The following INPP5A variants were observed in gnomAD, a reference collection of about 807,000 sequenced individuals.
The protein encoded by INPP5A is inositol polyphosphate-5-phosphatase A.
Under a neutral mutation model 65.2 loss-of-function variants are expected in INPP5A, and 14 were observed. The observed-to-expected ratio is 0.21, with a 90% CI of 0.14 to 0.34. INPP5A has a LOEUF of 0.34. INPP5A is among the 10% of genes least tolerant of loss of function. The pLI is 1.00. For missense variants in INPP5A, 431 were observed against 545.6 expected, an observed-to-expected ratio of 0.79 and a Z score of 2.09; for synonymous variants, 207 against 208.3, an observed-to-expected ratio of 0.99 and a Z score of 0.05.
chr10:132,582,461 C>T (rs1195134726), intron 1 of INPP5A, among the ~76,000 whole-genome samples: 1 of 150,278 alleles, frequency 6.7e-6, no homozygotes, highest in Non-Finnish European at 1.5e-5. Context: ...TGCTCTGTCA[C>T]CCAGGCTGAA....
rs1377328323 is a variant in INPP5A, at chr10:132,783,349, C to G, written c.*1320C>G. On this transcript the variant is annotated 3_prime_UTR_variant, in exon 16 of 16. Transcript: ENST00000368594. ...TTGGTGGAAGCACAGGTCCGTGTCGCTGCTGTGGTTGCCGCTGTCCGCGGT... is the reference window on the plus strand; with the variant it reads ...TTGGTGGAAGCACAGGTCCGTGTCGGTGCTGTGGTTGCCGCTGTCCGCGGT... 6.6e-6 allele frequency: 1 copy of G among 152,434 alleles called. No individual in the cohort carries two copies. Among genetic ancestry groups the G allele is most frequent in the African/African-American group, 2.4e-5 (1 of 41,456 alleles). 9.4% of individuals were successfully genotyped at this position (152,434 alleles called of 1,614,324 possible). A position where few individuals can be genotyped will look rare whatever the true frequency, so the allele number is the denominator to read the frequency against.
At chr10:132,625,956 T>C (rs531606795) in intron 2 of INPP5A, among the ~76,000 whole-genome samples, 8 of 152,182 alleles carry the variant, frequency 5.3e-5, no homozygotes, top group Non-Finnish European at 7.3e-5. Context: ...TGGTGCATGT[T>C]TCTTCGATTT....
At chr10:132,586,158 C>T (rs12248200) in intron 1 of INPP5A, among the ~76,000 whole-genome samples, 2,704 of 152,250 alleles carry the variant, frequency 0.018, 85 homozygotes, top group African/African-American at 0.062. Flanking sequence ...CTGGACGCGC[C>T]CTGTGCTTCT....
intron 8 of INPP5A, among the ~76,000 whole-genome samples, chr10:132,718,450 ACGGC>A (rs1845787601): frequency 6.9e-6 from 1 of 145,420 alleles, no homozygotes; most frequent in African/African-American, 2.6e-5. Flanking sequence ...GGCGCCTTAG[ACGGC>A]TGTCTTCAGG....
rs1385987382 is a variant in INPP5A, at chr10:132,753,400, G to A, written c.903+3555G>A. 2.0e-5 allele frequency among the ~76,000 whole-genome samples: 3 copies of A among 152,156 alleles called. No homozygotes were observed. The highest frequency in any genetic ancestry group is 4.4e-5 in the Non-Finnish European group (3 of 68,042). On this transcript the variant is annotated intron_variant, in intron 11 of 15. Coordinates refer to ENST00000368594, the MANE Select transcript of INPP5A (RefSeq NM_005539.5). This position sits in a 1 kb window ranked among gnomAD's most constrained non-coding sequence, Gnocchi z 5.3. ...TCCATTGCATCCTTCATCAACCGCC[G>A]GTCTTGTACCCGTCTGACAGAAATT...
At chr10:132,763,535 G>GCA (rs539556427) in intron 11 of INPP5A, among the ~76,000 whole-genome samples, 2 of 152,148 alleles carry the variant, frequency 1.3e-5, no homozygotes, top group South Asian at 4.2e-4. Flanking sequence ...GTGCCTGCAT[G>GCA]CACACACACA....
At chr10:132,589,850 T>C (rs1011469331) in intron 1 of INPP5A, among the ~76,000 whole-genome samples, 11 of 151,896 alleles carry the variant, frequency 7.2e-5, no homozygotes, top group African/African-American at 2.4e-4. Flanking sequence ...GGTTAGGGGG[T>C]GACGCAGGTT....
At position 132,587,061 on chromosome 10, in the gene INPP5A, A is replaced by G. The variant is rs532976180; in HGVS notation, c.76-20854A>G. On this transcript the variant is annotated intron_variant, in intron 1 of 15. Transcript: ENST00000368594. The surrounding 1 kb of genome is among the most constrained non-coding windows in gnomAD (Gnocchi z 4.3). ...CGCTGTCATCAGCAAGATCACTGTC[A>G]CTAGGACTGCGTGTATTCCAGTCAC... is the stretch of plus-strand genomic sequence containing the variant. Among the ~76,000 whole-genome samples, 11 of 152,294 alleles carry G rather than the reference A, an allele frequency of 7.2e-5. No homozygotes were observed. The South Asian group carries it at 2.1e-3, about 29-fold the overall frequency.
intron 9 of INPP5A, among the ~76,000 whole-genome samples, chr10:132,729,083 G>C (rs929138597): frequency 6.6e-6 from 1 of 152,104 alleles, no homozygotes; most frequent in Non-Finnish European, 1.5e-5. Context: ...CAGCAGGCGT[G>C]GGGGGCCTGG....
intron 8 of INPP5A, among the ~76,000 whole-genome samples, chr10:132,719,512 C>A (rs562209923): frequency 6.6e-4 from 92 of 139,034 alleles, no homozygotes; most frequent in African/African-American, 2.5e-3. Flanking sequence ...TCTGTCTGGG[C>A]GCCTTAGACG....
At chr10:132,738,807 CA>C (rs1317785043) in intron 9 of INPP5A, among the ~76,000 whole-genome samples, 1 of 152,200 alleles carries the variant, frequency 6.6e-6, no homozygotes, top group Admixed American at 6.5e-5. Context: ...ATGCTGACGC[CA>C]ACATCTCCCC....
intron 4 of INPP5A, 37 bp from the exon 5 acceptor site, chr10:132,690,355 A>G: frequency 7.9e-7 from 1 of 1,267,500 alleles, no homozygotes; most frequent in Non-Finnish European, 1.2e-6. Context: ...TATTCCCAGC[A>G]CCAGTCTCTC....
At chr10:132,634,609 C>G (rs759141668) in intron 2 of INPP5A, among the ~76,000 whole-genome samples, 3 of 152,274 alleles carry the variant, frequency 2.0e-5, no homozygotes, top group Non-Finnish European at 4.4e-5. Context: ...AAGTCTCCTA[C>G]AGTGGTTGTG....
At chr10:132,781,594 A>G (rs1382994159) in intron 14 of INPP5A, among the ~76,000 whole-genome samples, 1 of 152,112 alleles carries the variant, frequency 6.6e-6, no homozygotes, top group East Asian at 1.9e-4. Flanking sequence ...TTTTTCCATT[A>G]ATTTTTTTAC....
At chr10:132,608,144 G>A (rs963812463) in intron 2 of INPP5A, among the ~76,000 whole-genome samples, 188 bp downstream of exon 2, 20 of 152,192 alleles carry the variant, frequency 1.3e-4, no homozygotes, top group Non-Finnish European at 2.5e-4. Flanking sequence ...TCCACTGCCC[G>A]CCTGCCGGTG....
chr10:132,660,108 G>A (rs2072716700), intron 4 of INPP5A, among the ~76,000 whole-genome samples: 2 of 152,254 alleles, frequency 1.3e-5, no homozygotes, highest in Admixed American at 1.3e-4. Context: ...TTATAATGAT[G>A]TAAATATTGA....
chr10:132,710,437 C>T lies in INPP5A; in HGVS notation c.628C>T (p.Leu210=). The change falls in exon 8 of 16, where the codon CTG becomes TTG. Residue 210 remains leucine (L), a synonymous_variant. Coordinates refer to ENST00000368594, the MANE Select transcript of INPP5A (RefSeq NM_005539.5). ...SVYSGIRHKA[L]GYVLDRIIDQ... ...GTACTCGGGAATCCGGCACAAGGCACTGGGCTACGTGCTGGACAGGTAGGT... is the reference window on the plus strand; with the variant it reads ...GTACTCGGGAATCCGGCACAAGGCATTGGGCTACGTGCTGGACAGGTAGGT... 2 of 1,613,842 alleles carry T rather than the reference C, an allele frequency of 1.2e-6. No homozygotes were observed. Among genetic ancestry groups the T allele is most frequent in the Non-Finnish European group, 1.7e-6 (2 of 1,179,998 alleles).
At chr10:132,609,042 C>T (rs946808123) in intron 2 of INPP5A, among the ~76,000 whole-genome samples, 29 of 152,210 alleles carry the variant, frequency 1.9e-4, no homozygotes, top group African/African-American at 7.0e-4. Flanking sequence ...TAGCCGGCAT[C>T]CAAGTCCCCC....
At chr10:132,633,444 G>A (rs1023631463) in intron 2 of INPP5A, among the ~76,000 whole-genome samples, 1 of 152,186 alleles carries the variant, frequency 6.6e-6, no homozygotes, top group African/African-American at 2.4e-5. Flanking sequence ...TTAAAACGAA[G>A]TCTCTGATGT....
Sources: allele counts gnomAD v4.1 joint callset (sites outside exome capture counted in the v4.1 genomes callset), GRCh38; gene constraint gnomAD v4.1.1; non-coding constraint Gnocchi (gnomAD v3.1); transcripts MANE v1.5; gene names NCBI Gene and HGNC (gene_info 2026-07-23, HGNC 2026-07-21).